Variants in CDYL observed in about 807,000 individuals in gnomAD.
The protein encoded by CDYL is chromodomain Y like.
CDYL carries 8 observed loss-of-function variants against 47.3 expected under a neutral mutation model. The observed-to-expected ratio is 0.17, with a 90% confidence interval of 0.10 to 0.31. CDYL has a LOEUF of 0.31. Among genes scored for constraint, CDYL ranks in the 10% least tolerant of loss-of-function variants. CDYL has a pLI of 1.00. For missense variants in CDYL, 471 were observed against 701.4 expected (o/e 0.67, Z 3.71); for synonymous variants, 266 against 265.0 (o/e 1.00, Z -0.04).
At chr6:4,804,711 G>A (rs923462584) in intron 1 of CDYL, among the ~76,000 whole-genome samples, 25 of 152,230 alleles carry the variant, frequency 1.6e-4, no homozygotes, top group African/African-American at 5.8e-4. Flanking sequence ...CTGTCTGCAC[G>A]TCCGTCTGGG....
intron 2 of CDYL, among the ~76,000 whole-genome samples, chr6:4,916,054 A>G (rs145986262): frequency 2.6e-5 from 4 of 152,178 alleles, no homozygotes; most frequent in East Asian, 1.9e-4. Flanking sequence ...GGCCAAACCA[A>G]TGTATACCTT....
intron 2 of CDYL, among the ~76,000 whole-genome samples, chr6:4,905,966 G>A (rs966601963): frequency 6.6e-6 from 1 of 152,130 alleles, no homozygotes; most frequent in African/African-American, 2.4e-5. Context: ...GTAATTGTGG[G>A]AATTGTTTCT....
chr6:4,855,699 TACACGTAAGC>T (rs943716024), intron 1 of CDYL, among the ~76,000 whole-genome samples: 3 of 152,236 alleles, frequency 2.0e-5, no homozygotes, highest in African/African-American at 7.2e-5. Flanking sequence ...CATCACAATC[TACACGTAAGC>T]ATATAAGATG....
chr6:4,717,077 G>A (rs1434265392), intron 2 of CDYL, among the ~76,000 whole-genome samples: 1 of 152,108 alleles, frequency 6.6e-6, no homozygotes, highest in African/African-American at 2.4e-5. Context: ...TGGGAACCTG[G>A]GACCACAATC....
rs1430485538 is a variant in CDYL, at chr6:4,725,334, C to T, written c.104-9428C>T. On this transcript the variant is annotated intron_variant, in intron 2 of 8. Transcript: ENST00000328908. ...AGTCCTGCGCCTGTGCGCCCACACT[C>T]CTCAGCCCTTGGGTGGCCGATGGGA... Among the ~76,000 whole-genome samples the T allele has an allele frequency of 2.6e-5, 4 of 152,258 alleles. No homozygotes were observed. In the East Asian group the frequency reaches 7.7e-4, roughly 29 times the overall value.
At chr6:4,803,184 G>C (rs1162282503) in intron 1 of CDYL, among the ~76,000 whole-genome samples, 5 of 152,034 alleles carry the variant, frequency 3.3e-5, no homozygotes, top group Non-Finnish European at 4.4e-5. Context: ...TCTAGTTTTG[G>C]CTGCTATTCT....
chr6:4,715,436 T>C (rs1194011648), intron 1 of CDYL, among the ~76,000 whole-genome samples: 1 of 152,250 alleles, frequency 6.6e-6, no homozygotes, highest in African/African-American at 2.4e-5. Flanking sequence ...CTTGGCTTAC[T>C]TACTCTTCCA....
intron 1 of CDYL, among the ~76,000 whole-genome samples, chr6:4,827,298 C>T (rs116806174): frequency 2.2e-3 from 329 of 152,318 alleles, no homozygotes; most frequent in African/African-American, 7.5e-3. Context: ...CAAGTTACTA[C>T]TGACAAGCAC....
chr6:4,724,590 G>C (rs1234649847), intron 2 of CDYL: 3 of 152,470 alleles, frequency 2.0e-5, no homozygotes, highest in East Asian at 1.9e-4. Flanking sequence ...CTGCTGCTCG[G>C]ATGTGTTTGG....
chr6:4,777,383 A>G (rs1758498626), intron 1 of CDYL, among the ~76,000 whole-genome samples: 1 of 152,190 alleles, frequency 6.6e-6, no homozygotes, highest in African/African-American at 2.4e-5. Context: ...TAACGCTGAT[A>G]CACCGTCATT....
At chr6:4,939,768 T>C (rs1758307532) in intron 4 of CDYL, among the ~76,000 whole-genome samples, 1 of 152,228 alleles carries the variant, frequency 6.6e-6, no homozygotes, top group Admixed American at 6.5e-5. Flanking sequence ...GTGAATTCCA[T>C]GAACTTAACT....
chr6:4,769,629 T>C (rs1758306554), intron 3 of CDYL, among the ~76,000 whole-genome samples: 2 of 152,218 alleles, frequency 1.3e-5, no homozygotes, highest in African/African-American at 2.4e-5. Flanking sequence ...AAATAATTTT[T>C]CAATGATTCT....
At chr6:4,819,922 T>G (rs1759786813) in intron 1 of CDYL, among the ~76,000 whole-genome samples, 1 of 152,070 alleles carries the variant, frequency 6.6e-6, no homozygotes, top group Non-Finnish European at 1.5e-5. Flanking sequence ...AAACCCTGTG[T>G]TATGAGAATG....
chr6:4,939,608 G>A (rs1371422159), intron 4 of CDYL, among the ~76,000 whole-genome samples: 3 of 152,028 alleles, frequency 2.0e-5, no homozygotes, highest in East Asian at 1.9e-4. Context: ...ATTAAGTATT[G>A]TTTCTAATCT....
chr6:4,853,202 T>C (rs985683474), intron 1 of CDYL, among the ~76,000 whole-genome samples: 1 of 152,228 alleles, frequency 6.6e-6, no homozygotes, highest in African/African-American at 2.4e-5. Context: ...ATGACAGTAA[T>C]TCCGTAGCCA....
chr6:4,855,932 T>A (rs73364580), intron 1 of CDYL, among the ~76,000 whole-genome samples: 33 of 152,212 alleles, frequency 2.2e-4, no homozygotes, highest in Non-Finnish European at 3.8e-4. Context: ...GTAGTTCTTA[T>A]GCTCATTGTC....
intron 4 of CDYL, among the ~76,000 whole-genome samples, chr6:4,943,186 G>A (rs1758411353): frequency 6.6e-6 from 1 of 152,112 alleles, no homozygotes; most frequent in African/African-American, 2.4e-5. Context: ...CCCAGAATAT[G>A]TACTGGGCTC....
intron 3 of CDYL, among the ~76,000 whole-genome samples, chr6:4,742,779 C>T (rs1013522364): frequency 6.6e-6 from 1 of 152,164 alleles, no homozygotes; most frequent in Non-Finnish European, 1.5e-5. Flanking sequence ...GGGGTTTTTC[C>T]TTGTCAGTTT....
intron 1 of CDYL, among the ~76,000 whole-genome samples, chr6:4,838,778 C>G (rs942164001): frequency 1.1e-4 from 17 of 152,050 alleles, no homozygotes; most frequent in African/African-American, 3.1e-4. Context: ...CCTCCACCTC[C>G]CGGGTTCAAG....
Sources: allele counts gnomAD v4.1 joint callset (sites outside exome capture counted in the v4.1 genomes callset), GRCh38; gene constraint gnomAD v4.1.1; transcripts MANE v1.5; gene names NCBI Gene and HGNC (gene_info 2026-07-23, HGNC 2026-07-21).